The following TRAF5 variants were observed in gnomAD, a reference collection of about 807,000 sequenced individuals.
TRAF5 encodes TNF receptor-associated factor 5.
A neutral mutation model predicts 64.5 loss-of-function variants in TRAF5; 48 were observed. That is an observed-to-expected ratio of 0.74 (90% CI 0.59 to 0.95). The LOEUF (loss-of-function observed/expected upper bound fraction) is 0.95, where lower values mean the gene tolerates loss of function less well. Among genes scored for constraint, TRAF5 ranks in the 40% least tolerant of loss-of-function variants. The pLI is 0.00. For missense variants in TRAF5, 545 were observed against 662.8 expected (o/e 0.82, Z 1.95); for synonymous variants, 206 against 240.5 (o/e 0.86, Z 1.33).
At chr1:211,368,855 C>T (rs1054571033) in intron 8 of TRAF5, 2 of 152,106 alleles carry the variant, frequency 1.3e-5, no homozygotes, top group Non-Finnish European at 2.9e-5. Context: ...GTCTAATATT[C>T]GTGCAACTCA....
chr1:211,363,867 T>A (rs1346340405), intron 7 of TRAF5, among the ~76,000 whole-genome samples: 2 of 139,146 alleles, frequency 1.4e-5, no homozygotes, highest in African/African-American at 5.5e-5. Context: ...GCCAAGGTCA[T>A]GCCATTGTAC....
chr1:211,372,910 T>C lies in TRAF5; in HGVS notation c.*208T>C, dbSNP rs1703586397. The C allele has an allele frequency of 1.1e-5, 5 of 446,092 alleles. No individual in the cohort carries two copies. Among genetic ancestry groups the C allele is most frequent in the Non-Finnish European group, 2.0e-5 (5 of 255,978 alleles). 27.6% of individuals were successfully genotyped at this position (446,092 alleles called of 1,614,324 possible). A position where few individuals can be genotyped will look rare whatever the true frequency, so the allele number is the denominator to read the frequency against. The stretch of plus-strand genomic sequence containing the variant: ...TTGAAACTTAAAACTCTTAGAATAT[T>C]CTCTTATTATTTATATTTTTATATT... On this transcript the variant is annotated 3_prime_UTR_variant, in exon 11 of 11. Transcript: ENST00000261464.
chr1:211,349,249 G>T (rs1448480031), intron 1 of TRAF5, among the ~76,000 whole-genome samples: 2 of 152,104 alleles, frequency 1.3e-5, no homozygotes, highest in African/African-American at 2.4e-5. Flanking sequence ...TAGTCTGTTT[G>T]TGTTGCCATC....
chr1:211,332,235 A>G (rs1402975838), intron 1 of TRAF5, among the ~76,000 whole-genome samples: 1 of 152,222 alleles, frequency 6.6e-6, no homozygotes, highest in Non-Finnish European at 1.5e-5. Context: ...GAGAGCCAAC[A>G]CAGGAAAAAA....
intron 1 of TRAF5, among the ~76,000 whole-genome samples, chr1:211,343,928 G>A (rs1013895043): frequency 6.6e-6 from 1 of 151,658 alleles, no homozygotes; most frequent in South Asian, 2.1e-4. Context: ...GCTTCCTAGT[G>A]GAGAACAAGG....
chr1:211,336,945 C>T lies in TRAF5; in HGVS notation c.-2+10056C>T, dbSNP rs371581187. On this transcript the variant is annotated intron_variant, in intron 1 of 10. Coordinates refer to ENST00000261464, the MANE Select transcript of TRAF5 (RefSeq NM_001033910.3). ...AAGTGCCGGGATTAAAGGCGTGAGC[C>T]GCTGCACCTGGCCAGACCTCAACTG... Among the ~76,000 whole-genome samples the T allele has an allele frequency of 7.6e-4, 116 of 151,968 alleles. 3 individuals carry two copies. In the South Asian group the frequency reaches 0.02, roughly 26 times the overall value.
intron 1 of TRAF5, among the ~76,000 whole-genome samples, chr1:211,348,662 T>A (rs1019463911): frequency 1.3e-5 from 2 of 152,160 alleles, no homozygotes; most frequent in African/African-American, 2.4e-5. Flanking sequence ...GTGAAGGGTG[T>A]CAGGTCTGTG....
intron 1 of TRAF5, among the ~76,000 whole-genome samples, chr1:211,333,001 A>G (rs367963767): frequency 2.0e-4 from 31 of 152,314 alleles, no homozygotes; most frequent in African/African-American, 6.0e-4. Flanking sequence ...CTTTGATACT[A>G]ACAGTTCCCA....
At chr1:211,331,265 A>G (rs1243325154) in intron 1 of TRAF5, among the ~76,000 whole-genome samples, 1 of 152,180 alleles carries the variant, frequency 6.6e-6, no homozygotes. Context: ...TCTTTAATAC[A>G]TAGCCTAGTC....
chr1:211,340,772 C>A (rs1465310477), intron 1 of TRAF5, among the ~76,000 whole-genome samples: 2 of 152,216 alleles, frequency 1.3e-5, no homozygotes, highest in Non-Finnish European at 2.9e-5. Flanking sequence ...GTCCTTTTGA[C>A]CTCCACATTC....
chr1:211,359,696 C>T (rs1433432647), intron 4 of TRAF5: 1 of 484,140 alleles, frequency 2.1e-6, no homozygotes, highest in African/African-American at 1.9e-5. Context: ...CCAAGACTGG[C>T]TTTCCCATCT....
Position 211,356,482 on chromosome 1 carries a change from A to G in TRAF5, c.378+14A>G, listed in dbSNP as rs1349623707. ...GGCCGGTACCAGGTTGGTATTACTC[A>G]TGAACGATATCTGCTTTTGCCATTT... On this transcript the variant is annotated intron_variant, in intron 4 of 10. Coordinates refer to ENST00000261464, the MANE Select transcript of TRAF5 (RefSeq NM_001033910.3). The G allele has an allele frequency of 6.2e-7, 1 of 1,610,714 alleles. No individual in the cohort carries two copies. The highest frequency in any genetic ancestry group is 8.5e-7 in the Non-Finnish European group (1 of 1,177,194).
intron 1 of TRAF5, among the ~76,000 whole-genome samples, chr1:211,332,857 G>A (rs763920654): frequency 6.6e-6 from 1 of 152,200 alleles, no homozygotes; most frequent in Non-Finnish European, 1.5e-5. Flanking sequence ...TTATGTTAAG[G>A]TGTTTTATTT....
chr1:211,372,855 CTG>C lies in TRAF5; in HGVS notation c.*155_*156del. On this transcript the variant is annotated 3_prime_UTR_variant, in exon 11 of 11. Coordinates refer to ENST00000261464, the MANE Select transcript of TRAF5 (RefSeq NM_001033910.3). The stretch of plus-strand genomic sequence containing the variant: ...AAGTCAGTTTAAAACTTCTGAAGTG[CTG>C]TCTTTTTACATTTTACTCTGTCCCA... The C allele has an allele frequency of 1.6e-6, 1 of 639,554 alleles. No homozygotes were observed. Among genetic ancestry groups the C allele is most frequent in the East Asian group, 2.8e-5 (1 of 36,314 alleles). The allele number at this position is 639,554 out of a possible 1,614,324, so 39.6% of individuals were successfully genotyped here. A position where few individuals can be genotyped will look rare whatever the true frequency, so the allele number is the denominator to read the frequency against.
rs779827579 is a variant in TRAF5 at position 211,372,135 on chromosome 1, A to G, written c.1107A>G (p.Leu369=). 8.5e-6 allele frequency: 13 copies of G among 1,531,606 alleles called. No individual in the cohort carries two copies. The South Asian group carries it at 1.7e-4, about 19-fold the overall frequency. The allele number at this position is 1,531,606 out of a possible 1,614,324, so 94.9% of individuals were successfully genotyped here. Residue 369 remains leucine (L), a synonymous_variant, in exon 11 of 11, where the codon TTA becomes TTG. Coordinates refer to ENST00000261464, the MANE Select transcript of TRAF5 (RefSeq NM_001033910.3). ...LENNDQRLAV[L]EEETNKHDTH... is the part of the protein sequence containing the mutation. ...TTTTTTTCTTATTTGCAGCCGTTTT[A>G]GAAGAGGAAACTAACAAACATGATA...
chr1:211,356,317 A>T, intron 3 of TRAF5, 50 bp from the exon 4 acceptor site: 1 of 1,505,220 alleles, frequency 6.6e-7, no homozygotes, highest in Non-Finnish European at 9.2e-7. Flanking sequence ...CTTAATTCAC[A>T]TTGCTGTAAA....
chr1:211,344,389 A>G (rs1435321514), intron 1 of TRAF5, among the ~76,000 whole-genome samples: 3 of 152,334 alleles, frequency 2.0e-5, no homozygotes, highest in East Asian at 3.9e-4. Flanking sequence ...GACATAAGGA[A>G]AAGCAAAGAA....
chr1:211,331,822 C>T (rs959677065), intron 1 of TRAF5, among the ~76,000 whole-genome samples: 2 of 152,274 alleles, frequency 1.3e-5, no homozygotes, highest in South Asian at 2.1e-4. Context: ...TCCGCCACCA[C>T]GGCCGGCTAA....
At chr1:211,361,404 G>A (rs1032776982) in intron 7 of TRAF5, among the ~76,000 whole-genome samples, 12 of 152,156 alleles carry the variant, frequency 7.9e-5, no homozygotes, top group African/African-American at 2.7e-4. Context: ...AATCTGCAGG[G>A]CAGCTCAGCA....
Sources: allele counts gnomAD v4.1 joint callset (sites outside exome capture counted in the v4.1 genomes callset), GRCh38; gene constraint gnomAD v4.1.1; transcripts MANE v1.5; gene names NCBI Gene and HGNC (gene_info 2026-07-23, HGNC 2026-07-21).